SMIM23: variants seen among roughly 807,000 people sequenced by gnomAD.
SMIM23 encodes the protein small integral membrane protein 23.
SMIM23 carries 10 observed loss-of-function variants against 12.8 expected under a neutral mutation model. That is an observed-to-expected ratio of 0.78 (90% CI 0.48 to 1.32). The LOEUF is 1.32. SMIM23 is among the 40% of genes most tolerant of loss of function. The probability of loss-of-function intolerance (pLI) is 0.00; values close to 1 mark genes in which losing one functional copy is unlikely to be tolerated. For synonymous variants in SMIM23, 78 were observed against 80.1 expected (o/e 0.97, Z 0.14); for missense variants, 184 against 198.2 (o/e 0.93, Z 0.43).
At chr5:171,776,531 T>A in the SMIM23 span, among the ~76,000 whole-genome samples, 1 of 152,134 alleles carries the variant, frequency 6.6e-6, no homozygotes, top group East Asian at 1.9e-4. Context: ...CACACCCACA[T>A]GCACCAGGCA....
upstream of SMIM23, among the ~76,000 whole-genome samples, chr5:171,783,369 G>A (rs1272130831): frequency 6.6e-6 from 1 of 152,154 alleles, no homozygotes; most frequent in Non-Finnish European, 1.5e-5. Flanking sequence ...AAACAAAGTG[G>A]GAAAAATCAC....
chr5:171,775,294 G>A, the SMIM23 span, among the ~76,000 whole-genome samples: 6 of 152,208 alleles, frequency 3.9e-5, no homozygotes, highest in South Asian at 2.1e-4. Context: ...CCAGGAGGGC[G>A]CTGCCTCACA....
chr5:171,789,887 TACTCATCAG>T lies in SMIM23; in HGVS notation c.106-330_106-322del, dbSNP rs1755890315. On this transcript the variant is annotated intron_variant, in intron 1 of 3. Coordinates refer to ENST00000523047, the MANE Select transcript of SMIM23 (RefSeq NM_001289970.2). ...GTCTACAGGTATAGACATTCATCAA[TACTCATCAG>T]ACTCATCAGACTATACATTTTAAAT... Among the ~76,000 whole-genome samples, 7 of 152,372 alleles carry T rather than the reference TACTCATCAG, an allele frequency of 4.6e-5. No individual in the cohort carries two copies. In the South Asian group the frequency reaches 1.2e-3, roughly 27 times the overall value.
chr5:171,790,931 TG>T lies in SMIM23; in HGVS notation c.364del (p.Glu122AsnfsTer42). 1 of 1,536,122 alleles carries T rather than the reference TG, an allele frequency of 6.5e-7. No individual in the cohort carries two copies. The highest frequency in any genetic ancestry group is 1.2e-5 in the South Asian group (1 of 84,058). On this transcript the variant is annotated frameshift_variant, in exon 4 of 4. Coordinates refer to ENST00000523047, the MANE Select transcript of SMIM23 (RefSeq NM_001289970.2). LOFTEE classifies it low-confidence loss of function (END_TRUNC). ...VQQLEQLAWD[L>X]ELWLDALLGE... ...CAGCTGGAGCAGCTAGCGTGGGACC[TG>T]GAACTGTGGCTGGATGCTCTTCTGG...
chr5:171,782,585 A>T (rs1189377498), upstream of SMIM23: 1 of 152,200 alleles, frequency 6.6e-6, no homozygotes, highest in African/African-American at 2.4e-5. Flanking sequence ...ACCCTTCCCT[A>T]GCCACCCCGG....
intron 1 of SMIM23, among the ~76,000 whole-genome samples, chr5:171,786,260 G>T (rs146752860): frequency 2.1e-3 from 318 of 152,336 alleles, no homozygotes; most frequent in African/African-American, 7.3e-3. Context: ...ATGGTGCTTG[G>T]TGCCAAGTAG....
chr5:171,784,376 G>A (rs1024040402), upstream of SMIM23, among the ~76,000 whole-genome samples: 7 of 152,046 alleles, frequency 4.6e-5, no homozygotes, highest in African/African-American at 1.7e-4. Flanking sequence ...GTGGTGGCGG[G>A]TGCCTGTAGT....
chr5:171,774,799 A>G, the SMIM23 span: 1 of 359,796 alleles, frequency 2.8e-6, no homozygotes, highest in Non-Finnish European at 5.5e-6. Context: ...AGCTTAAGAC[A>G]AAAACAAACT....
chr5:171,785,084 G>A (rs977228304), upstream of SMIM23, among the ~76,000 whole-genome samples: 1 of 152,148 alleles, frequency 6.6e-6, no homozygotes, highest in African/African-American at 2.4e-5. Context: ...AAAGCCCCTT[G>A]TAGTTTTGAA....
upstream of SMIM23, among the ~76,000 whole-genome samples, chr5:171,781,709 A>T (rs963264331): frequency 1.3e-5 from 2 of 152,236 alleles, no homozygotes; most frequent in Non-Finnish European, 2.9e-5. Context: ...AGGAGTGGAG[A>T]TTGCATGAAA....
At chr5:171,787,732 T>C (rs1408924004) in intron 1 of SMIM23, among the ~76,000 whole-genome samples, 1 of 152,278 alleles carries the variant, frequency 6.6e-6, no homozygotes, top group Non-Finnish European at 1.5e-5. Context: ...GGAACATTTC[T>C]AGCACTGAGG....
At chr5:171,785,037 G>A (rs1255297592), upstream of SMIM23, among the ~76,000 whole-genome samples, 1 of 152,186 alleles carries the variant, frequency 6.6e-6, no homozygotes, top group East Asian at 1.9e-4. Context: ...GACAGTGTGG[G>A]TGGGGTCGGG....
upstream of SMIM23, among the ~76,000 whole-genome samples, chr5:171,778,447 TCA>T (rs4041455): frequency 0.13 from 18,173 of 141,364 alleles, 1,270 homozygotes; most frequent in East Asian, 0.22. Flanking sequence ...TGGGAAAATT[TCA>T]CACACACACA....
the SMIM23 span, among the ~76,000 whole-genome samples, chr5:171,773,063 C>A: frequency 5.1e-4 from 77 of 152,258 alleles, no homozygotes; most frequent in African/African-American, 1.8e-3. Context: ...CAGAGAGGGG[C>A]CTGGCGTGGA....
chr5:171,779,873 G>A (rs553999303), upstream of SMIM23, among the ~76,000 whole-genome samples: 159 of 151,964 alleles, frequency 1.0e-3, no homozygotes, highest in Non-Finnish European at 1.9e-3. Context: ...GAGGGAGAAG[G>A]GGGGAAGAGA....
At chr5:171,783,439 G>A (rs1755760385), upstream of SMIM23, among the ~76,000 whole-genome samples, 1 of 152,224 alleles carries the variant, frequency 6.6e-6, no homozygotes, top group Non-Finnish European at 1.5e-5. Flanking sequence ...TGGTATTGAT[G>A]CAGGGACAGA....
rs1172523815 is a variant in SMIM23, at chr5:171,790,831, C to A, written c.262C>A (p.Pro88Thr). 2.0e-6 allele frequency: 3 copies of A among 1,536,096 alleles called. No homozygotes were observed. The highest frequency in any genetic ancestry group is 1.2e-5 in the South Asian group (1 of 84,050). ...TCAGACCAACGAGCCCTCAGAAGAA[C>A]CGATAAAGACCATCAGGAACTGGCT... ...EYQTNEPSEEPIKTIRNWLKE... is the reference protein window; with the variant it reads ...EYQTNEPSEETIKTIRNWLKE... Residue 88 changes from proline (P) to threonine (T), a missense_variant, in exon 4 of 4, where the codon CCG becomes ACG. Coordinates refer to ENST00000523047, the MANE Select transcript of SMIM23 (RefSeq NM_001289970.2).
chr5:171,782,804 C>T (rs1347627610), upstream of SMIM23: 1 of 152,140 alleles, frequency 6.6e-6, no homozygotes. Context: ...GCGTAAGGGG[C>T]ATCAGAAATG....
rs202159150 is a variant in SMIM23 at position 171,787,004 on chromosome 5, CTTTTTTTTTTTTTTTTTTTTT to C, written c.105+1040_105+1060del. On this transcript the variant is annotated intron_variant, in intron 1 of 3. Coordinates refer to ENST00000523047, the MANE Select transcript of SMIM23 (RefSeq NM_001289970.2). ...GATTCTACCAGAGTCCCATTGTTTC[CTTTTTTTTTTTTTTTTTTTTT>C]TTTTTTTTTTTCTGAGACGGAGCCT... 2.3e-3 allele frequency among the ~76,000 whole-genome samples: 164 copies of C among 71,318 alleles called. 3 individuals are homozygous for C. The East Asian group carries it at 0.04, about 17-fold the overall frequency. 46.8% of individuals were successfully genotyped at this position (71,318 alleles called of 152,430 possible).
Sources: allele counts gnomAD v4.1 joint callset (sites outside exome capture counted in the v4.1 genomes callset), GRCh38; gene constraint gnomAD v4.1.1; transcripts MANE v1.5; gene names NCBI Gene and HGNC (gene_info 2026-07-23, HGNC 2026-07-21).